SYNPR: variants seen among roughly 807,000 people sequenced by gnomAD.
SYNPR encodes synaptoporin.
In SYNPR, 23 loss-of-function variants were observed where a neutral mutation model predicts 32.9. The observed-to-expected ratio is 0.70, with a 90% CI of 0.50 to 0.99. SYNPR has a LOEUF of 0.99. SYNPR is among the 50% of genes least tolerant of loss of function. SYNPR has a pLI of 0.00. For missense variants in SYNPR, 318 were observed against 349.3 expected (o/e 0.91, Z 0.71); for synonymous variants, 146 against 135.9 (o/e 1.07, Z -0.52).
chr3:63,318,770 T>G (rs1220166228), intron 2 of SYNPR, among the ~76,000 whole-genome samples: 2 of 151,984 alleles, frequency 1.3e-5, no homozygotes, highest in Non-Finnish European at 2.9e-5. Context: ...AACCAGGGAT[T>G]TTTTCTTGGT....
chr3:63,276,888 A>AT (rs2086579736), upstream of SYNPR, among the ~76,000 whole-genome samples: 1 of 124,672 alleles, frequency 8.0e-6, no homozygotes, highest in African/African-American at 2.8e-5. Context: ...CTACTTCTAC[A>AT]TATCAAATAC....
intron 2 of SYNPR, among the ~76,000 whole-genome samples, chr3:63,373,495 T>G (rs866537945): frequency 1.6e-4 from 25 of 152,214 alleles, no homozygotes; most frequent in Middle Eastern, 3.4e-3. Context: ...CTTGAAGACT[T>G]GCTCTCCAGA....
intron 3 of SYNPR, among the ~76,000 whole-genome samples, chr3:63,507,780 C>G (rs1195210667): frequency 6.7e-6 from 1 of 150,040 alleles, no homozygotes; most frequent in Non-Finnish European, 1.5e-5. Flanking sequence ...AACATTAGTT[C>G]AAAATAAAAA....
At chr3:63,478,204 A>T (rs542745195) in intron 2 of SYNPR, among the ~76,000 whole-genome samples, 1 of 152,314 alleles carries the variant, frequency 6.6e-6, no homozygotes, top group African/African-American at 2.4e-5. Flanking sequence ...TAAATACATA[A>T]CTATCATTCC....
chr3:63,274,196 A>G (rs1209109853), upstream of SYNPR, among the ~76,000 whole-genome samples: 1 of 151,608 alleles, frequency 6.6e-6, no homozygotes, highest in Non-Finnish European at 1.5e-5. Context: ...AAAGTTTTAA[A>G]TTAGTTTTTT....
rs2086453738 is a variant in SYNPR at position 63,263,169 on chromosome 3, A to C, written n.155-4148A>C. Among the ~76,000 whole-genome samples, 9 of 152,300 alleles carry C rather than the reference A, an allele frequency of 5.9e-5. No homozygotes were observed. In the South Asian group the frequency reaches 1.9e-3, roughly 32 times the overall value. ...GTCCTTTTTAAGGGGAGAAGCTGGA[A>C]GTCTGCATTTTCATGAGATGTATCC... On this transcript the variant is annotated intron_variant and non_coding_transcript_variant, in intron 2 of 4. Transcript: ENST00000478456.
At chr3:63,374,472 A>G (rs1007291959) in intron 2 of SYNPR, among the ~76,000 whole-genome samples, 8 of 152,140 alleles carry the variant, frequency 5.3e-5, no homozygotes, top group Non-Finnish European at 1.0e-4. Context: ...TCAAAAAACT[A>G]CCTGTCATGT....
At chr3:63,570,890 C>T (rs752536706) in intron 4 of SYNPR, among the ~76,000 whole-genome samples, 1 of 152,128 alleles carries the variant, frequency 6.6e-6, no homozygotes, top group African/African-American at 2.4e-5. Context: ...AGGATAGGGT[C>T]TGAGTTTGCT....
At chr3:63,353,420 T>C (rs919653370) in intron 2 of SYNPR, among the ~76,000 whole-genome samples, 2 of 152,234 alleles carry the variant, frequency 1.3e-5, no homozygotes, top group African/African-American at 2.4e-5. Context: ...ACCTGCTAAA[T>C]TGGAAACTCT....
At chr3:63,265,482 C>T (rs560014287) in intron 2 of SYNPR, among the ~76,000 whole-genome samples, 1 of 152,172 alleles carries the variant, frequency 6.6e-6, no homozygotes, top group South Asian at 2.1e-4. Flanking sequence ...GAATTCCTGA[C>T]CTCAAGTGAT....
chr3:63,611,018 A>G (rs905934555), intron 5 of SYNPR, among the ~76,000 whole-genome samples: 5 of 152,222 alleles, frequency 3.3e-5, no homozygotes, highest in Non-Finnish European at 4.4e-5. Flanking sequence ...TCCTAGTGAC[A>G]GAAAACTCAA....
intron 4 of SYNPR, among the ~76,000 whole-genome samples, chr3:63,599,241 ATTAAT>A (rs1700004670): frequency 1.3e-5 from 2 of 152,190 alleles, no homozygotes; most frequent in South Asian, 4.1e-4. Context: ...TATTTTAAAA[ATTAAT>A]TTAGTGTAGT....
intron 3 of SYNPR, among the ~76,000 whole-genome samples, chr3:63,487,894 G>T (rs1457531326): frequency 2.0e-5 from 3 of 152,148 alleles, no homozygotes; most frequent in Non-Finnish European, 4.4e-5. Context: ...CACATTGAAG[G>T]AAAGGAAAGC....
At chr3:63,259,310 T>C (rs2086416876) in intron 2 of SYNPR, among the ~76,000 whole-genome samples, 1 of 152,186 alleles carries the variant, frequency 6.6e-6, no homozygotes, top group East Asian at 1.9e-4. Context: ...TGAACATCGA[T>C]GCAAAAATCC....
chr3:63,553,618 G>A (rs988258622), intron 3 of SYNPR, among the ~76,000 whole-genome samples: 5 of 152,198 alleles, frequency 3.3e-5, no homozygotes, highest in African/African-American at 4.8e-5. Flanking sequence ...CCTGACTGGT[G>A]TGAGATATTA....
intron 2 of SYNPR, among the ~76,000 whole-genome samples, chr3:63,391,219 G>A (rs2088130305): frequency 1.3e-5 from 2 of 152,106 alleles, no homozygotes; most frequent in East Asian, 1.9e-4. Flanking sequence ...CTCCCTGGGG[G>A]CCCACTCACC....
At chr3:63,433,030 T>C (rs1700021145) in intron 2 of SYNPR, among the ~76,000 whole-genome samples, 1 of 152,212 alleles carries the variant, frequency 6.6e-6, no homozygotes. Context: ...GTGATTCTGA[T>C]GGGCAGCCAA....
At position 63,398,516 on chromosome 3, in the gene SYNPR, C is replaced by T. The variant is rs1041352337; in HGVS notation, c.85-82316C>T. Among the ~76,000 whole-genome samples the T allele has an allele frequency of 7.3e-5, 11 of 151,004 alleles. No homozygotes were observed. In the South Asian group the frequency reaches 8.4e-4, roughly 12 times the overall value. ...CGGGCAGATCACGAGGTCAGGAGAT[C>T]GAGACCATGGTGAAACCCCATCTCT... On this transcript the variant is annotated intron_variant, in intron 2 of 5. Coordinates refer to ENST00000478300, the MANE Select transcript of SYNPR (RefSeq NM_001130003.2).
intron 2 of SYNPR, chr3:63,443,386 T>C (rs1352363862): frequency 6.3e-7 from 1 of 1,579,212 alleles, no homozygotes; most frequent in African/African-American, 1.3e-5. Flanking sequence ...TTATTTTTAG[T>C]ATGAGACAAC....
Sources: allele counts gnomAD v4.1 joint callset (sites outside exome capture counted in the v4.1 genomes callset), GRCh38; gene constraint gnomAD v4.1.1; transcripts MANE v1.5; gene names NCBI Gene and HGNC (gene_info 2026-07-23, HGNC 2026-07-21).